Variants in FHOD3 observed in about 807,000 individuals in gnomAD.
FHOD3 encodes the protein formin homology 2 domain containing 3.
Under a neutral mutation model 173.0 loss-of-function variants are expected in FHOD3, and 90 were observed. The observed-to-expected ratio is 0.52, with a 90% confidence interval of 0.44 to 0.62. The LOEUF (loss-of-function observed/expected upper bound fraction) is 0.62, where lower values mean the gene tolerates loss of function less well. Ranked by LOEUF, FHOD3 falls within the 20% of genes least tolerant of loss-of-function variation. The pLI is 0.00. For synonymous variants in FHOD3, 828 were observed against 823.0 expected, an observed-to-expected ratio of 1.01 and a Z score of -0.10; for missense variants, 1,945 against 2,034.7, an observed-to-expected ratio of 0.96 and a Z score of 0.85.
chr18:36,573,627 T>A (rs995742625), intron 5 of FHOD3, among the ~76,000 whole-genome samples: 5 of 152,136 alleles, frequency 3.3e-5, no homozygotes, highest in African/African-American at 1.2e-4. Context: ...TTTGAGTGTT[T>A]AATAATGTGA....
At chr18:36,309,680 C>G (rs189111499) in intron 1 of FHOD3, among the ~76,000 whole-genome samples, 39 of 152,294 alleles carry the variant, frequency 2.6e-4, no homozygotes, top group Admixed American at 4.6e-4. Flanking sequence ...GCTCCTCCAT[C>G]CAACCTCAGC....
rs1330084009 is a variant in FHOD3, at chr18:36,378,505, C to G, written c.337+5761C>G. On this transcript the variant is annotated intron_variant, in intron 3 of 28. Coordinates refer to ENST00000590592, the MANE Select transcript of FHOD3 (RefSeq NM_001281740.3). The stretch of plus-strand genomic sequence containing the variant: ...GCAGGTCAGCCTGTCAGCCTCTGCA[C>G]TCTGTGTGGGTAGCTGCCTCTAAGG... Among the ~76,000 whole-genome samples the G allele has an allele frequency of 2.9e-4, 44 of 150,006 alleles. 1 individual carries two copies. The highest frequency in any genetic ancestry group is 1.5e-5 in the Non-Finnish European group (1 of 67,764).
chr18:36,693,630 T>A (rs1439767173), intron 17 of FHOD3, among the ~76,000 whole-genome samples: 2 of 152,186 alleles, frequency 1.3e-5, no homozygotes, highest in Non-Finnish European at 2.9e-5. Context: ...GCAAAATGAT[T>A]CATCAAAGTT....
At chr18:36,573,131 A>G (rs944037848) in intron 5 of FHOD3, among the ~76,000 whole-genome samples, 1 of 148,962 alleles carries the variant, frequency 6.7e-6, no homozygotes, top group Non-Finnish European at 1.5e-5. Flanking sequence ...ACCTCACATT[A>G]TTCAGTCTTA....
intron 16 of FHOD3, among the ~76,000 whole-genome samples, chr18:36,687,874 TG>T (rs1394646832): frequency 6.6e-6 from 1 of 152,220 alleles, no homozygotes; most frequent in Non-Finnish European, 1.5e-5. Flanking sequence ...AACTAGAAAA[TG>T]CATGAATACA....
intron 9 of FHOD3, among the ~76,000 whole-genome samples, chr18:36,614,594 C>T (rs1738468362): frequency 6.6e-6 from 1 of 152,104 alleles, no homozygotes; most frequent in African/African-American, 2.4e-5. Flanking sequence ...AAATGGCTGT[C>T]CCATTTTATA....
At chr18:36,764,635 T>C (rs1192845608) in intron 27 of FHOD3, among the ~76,000 whole-genome samples, 2 of 152,076 alleles carry the variant, frequency 1.3e-5, no homozygotes, top group African/African-American at 2.4e-5. Context: ...AAACATCTAT[T>C]CCTGACCAGA....
rs759991830 is a variant in FHOD3, at chr18:36,746,967, A to T, written c.4064A>T (p.Asp1355Val). 31 of 1,610,748 alleles carry T rather than the reference A, an allele frequency of 1.9e-5. No individual in the cohort carries two copies. In the South Asian group the frequency reaches 3.2e-4, roughly 17 times the overall value. ...SAKVDFDQLQ[D>V]NLCQMERRCK... The stretch of plus-strand genomic sequence containing the variant: ...CAGGTTGACTTTGATCAACTTCAGG[A>T]TAATTTATGTCAGATGGAGAGAAGA... The change falls in exon 24 of 29, where the codon GAT (aspartate) becomes GTT (valine). Residue 1355 changes from aspartate to valine, a missense_variant. Physicochemically the swap from Asp to Val is radical, Grantham distance 152 (BLOSUM62 -3). This residue lies in a region of FHOD3 where 354 missense variants were observed against 359.9 expected (regional missense o/e 0.98). Coordinates refer to ENST00000590592, the MANE Select transcript of FHOD3 (RefSeq NM_001281740.3).
At chr18:36,611,423 C>T (rs1407938827) in intron 8 of FHOD3, among the ~76,000 whole-genome samples, 1 of 152,170 alleles carries the variant, frequency 6.6e-6, no homozygotes, top group Non-Finnish European at 1.5e-5. Flanking sequence ...TCATCTGAGA[C>T]TTGGGGTCCT....
intron 3 of FHOD3, among the ~76,000 whole-genome samples, chr18:36,453,759 C>G (rs1184096576): frequency 6.6e-6 from 1 of 152,072 alleles, no homozygotes; most frequent in Non-Finnish European, 1.5e-5. Flanking sequence ...AGGCTGGGAG[C>G]AAAGAAGCCG....
intron 3 of FHOD3, among the ~76,000 whole-genome samples, chr18:36,477,098 G>A (rs1177794885): frequency 1.3e-5 from 2 of 152,158 alleles, no homozygotes; most frequent in Admixed American, 1.3e-4. Context: ...CCTTGAAGGT[G>A]TGTCCAGTTT....
chr18:36,773,141 G>A (rs2043464935), intron 28 of FHOD3, among the ~76,000 whole-genome samples: 1 of 152,226 alleles, frequency 6.6e-6, no homozygotes, highest in South Asian at 2.1e-4. Context: ...CGGGGTTAGA[G>A]AGGCAGATGC....
At chr18:36,552,423 A>G (rs2057695804) in intron 5 of FHOD3, among the ~76,000 whole-genome samples, 1 of 152,084 alleles carries the variant, frequency 6.6e-6, no homozygotes, top group Non-Finnish European at 1.5e-5. Flanking sequence ...TTCTAAATAT[A>G]CAATCATGTC....
chr18:36,595,247 C>T (rs1046673214), intron 7 of FHOD3, among the ~76,000 whole-genome samples: 5 of 152,210 alleles, frequency 3.3e-5, no homozygotes, highest in African/African-American at 2.4e-5. Flanking sequence ...CTCCCCTCTA[C>T]GCTTCATTGC....
intron 6 of FHOD3, among the ~76,000 whole-genome samples, chr18:36,578,949 T>A (rs1233838587): frequency 1.3e-5 from 2 of 151,602 alleles, no homozygotes; most frequent in East Asian, 1.9e-4. Context: ...TGAAAATCTT[T>A]AAAAAAAAAT....
intron 17 of FHOD3, among the ~76,000 whole-genome samples, chr18:36,705,003 A>AG (rs2039793906): frequency 1.1e-3 from 1 of 918 alleles, no homozygotes; most frequent in South Asian, 0.071. Flanking sequence ...CTCTCTCTCT[A>AG]AGGTTTGCTT....
chr18:36,448,212 A>T (rs1016497980), intron 3 of FHOD3, among the ~76,000 whole-genome samples: 4 of 152,156 alleles, frequency 2.6e-5, no homozygotes, highest in East Asian at 3.8e-4. Context: ...TACACTTGTG[A>T]TAGGAAGACT....
At chr18:36,374,687 C>G (rs1027166171) in intron 3 of FHOD3, among the ~76,000 whole-genome samples, 1 of 152,178 alleles carries the variant, frequency 6.6e-6, no homozygotes, top group Non-Finnish European at 1.5e-5. Flanking sequence ...GAAATCAGAC[C>G]TTGTTATTGG....
At chr18:36,656,128 C>T (rs2036412281) in intron 13 of FHOD3, among the ~76,000 whole-genome samples, 1 of 151,898 alleles carries the variant, frequency 6.6e-6, no homozygotes, top group African/African-American at 2.4e-5. Context: ...GCGGGGCAGC[C>T]TCCTTCCCCT....
Sources: gnomAD v4.1 joint callset for allele counts (sites outside exome capture counted in the v4.1 genomes callset) on GRCh38, gnomAD v4.1.1 for gene constraint, gnomAD v4.1.1 regional missense constraint, MANE v1.5 for transcripts, NCBI Gene and HGNC (gene_info 2026-07-23, HGNC 2026-07-21) for gene names.